ARHGEF38: variants seen among roughly 807,000 people sequenced by gnomAD.
ARHGEF38 encodes the protein Rho guanine nucleotide exchange factor (GEF) 38.
ARHGEF38 carries 79 observed loss-of-function variants against 79.9 expected under a neutral mutation model. The ratio of observed to expected loss-of-function variants is 0.99; its 90% CI spans 0.82 to 1.19. ARHGEF38 has a LOEUF of 1.19. Ranked by LOEUF, ARHGEF38 falls within the 50% of genes most tolerant of loss-of-function variation. ARHGEF38 has a pLI of 0.00. For missense variants in ARHGEF38, 962 were observed against 907.2 expected, an observed-to-expected ratio of 1.06 and a Z score of -0.78; for synonymous variants, 366 against 328.3, an observed-to-expected ratio of 1.11 and a Z score of -1.24.
Position 105,552,700 on chromosome 4 carries a change from C to G in ARHGEF38, c.-66C>G, listed in dbSNP as rs1397526775. On this transcript the variant is annotated 5_prime_UTR_variant, in exon 1 of 14. Coordinates refer to ENST00000420470, the MANE Select transcript of ARHGEF38 (RefSeq NM_001242729.2). ...ACTCGTCACTCTAGTAGCTTTAACC[C>G]TCACCCTGAGGCACCTTAGCAATCA... 2.2e-6 allele frequency: 3 copies of G among 1,378,134 alleles called. No homozygotes were observed. The highest frequency in any genetic ancestry group is 3.0e-6 in the Non-Finnish European group (3 of 1,004,076). The allele number at this position is 1,378,134 out of a possible 1,614,324, so 85.4% of individuals were successfully genotyped here. A position where few individuals can be genotyped will look rare whatever the true frequency, so the allele number is the denominator to read the frequency against.
At chr4:105,677,681 G>A in intron 13 of ARHGEF38, 71 bp from the exon 14 acceptor site, 1 of 1,304,148 alleles carries the variant, frequency 7.7e-7, no homozygotes, top group Non-Finnish European at 9.9e-7. Context: ...CTAAAAGCTT[G>A]GAAACTTTTA....
chr4:105,653,862 C>G (rs1730212093), intron 7 of ARHGEF38, among the ~76,000 whole-genome samples: 1 of 152,170 alleles, frequency 6.6e-6, no homozygotes, highest in African/African-American at 2.4e-5. Context: ...AGTTATAGGA[C>G]TTGGCTTTAC....
intron 9 of ARHGEF38, among the ~76,000 whole-genome samples, chr4:105,657,833 A>G (rs1384026818): frequency 6.6e-6 from 1 of 152,202 alleles, no homozygotes; most frequent in African/African-American, 2.4e-5. Flanking sequence ...ATGAGTTCAG[A>G]CCAACTTACC....
chr4:105,604,763 A>G (rs1727970064), intron 2 of ARHGEF38, among the ~76,000 whole-genome samples: 1 of 152,142 alleles, frequency 6.6e-6, no homozygotes, highest in African/African-American at 2.4e-5. Context: ...ACATTCACAC[A>G]CACCCTCACA....
At chr4:105,670,266 G>C (rs1184071888) in intron 13 of ARHGEF38, among the ~76,000 whole-genome samples, 1 of 152,120 alleles carries the variant, frequency 6.6e-6, no homozygotes, top group Non-Finnish European at 1.5e-5. Context: ...TGAGGTTTAT[G>C]GGTTGCAGTT....
At chr4:105,564,066 A>G (rs1384161763) in intron 1 of ARHGEF38, among the ~76,000 whole-genome samples, 2 of 152,156 alleles carry the variant, frequency 1.3e-5, no homozygotes, top group Non-Finnish European at 2.9e-5. Context: ...ATGTCAAACT[A>G]CATGGCTCCT....
At chr4:105,560,392 C>T (rs1268000282) in intron 1 of ARHGEF38, among the ~76,000 whole-genome samples, 1 of 152,094 alleles carries the variant, frequency 6.6e-6, no homozygotes, top group Non-Finnish European at 1.5e-5. Flanking sequence ...ATTTGCATCT[C>T]AATAAAACTT....
At chr4:105,677,643 G>A (rs572777952) in intron 13 of ARHGEF38, 109 bp from the exon 14 acceptor site, 628 of 1,051,098 alleles carry the variant, frequency 6.0e-4, no homozygotes, top group Admixed American at 1.2e-3. Flanking sequence ...TGTGACTTTG[G>A]CAAAACAAAA....
chr4:105,613,325 G>A, intron 2 of ARHGEF38, 59 bp from the exon 3 acceptor site: 4 of 1,554,672 alleles, frequency 2.6e-6, no homozygotes, highest in Middle Eastern at 1.7e-4. Flanking sequence ...CTGTTTAGGA[G>A]GAGAAAACAT....
chr4:105,595,901 A>G (rs528989763), intron 2 of ARHGEF38, among the ~76,000 whole-genome samples: 8 of 152,262 alleles, frequency 5.3e-5, no homozygotes, highest in Admixed American at 1.3e-4. Context: ...TAGACATGGA[A>G]CTCAAGGATT....
chr4:105,610,237 A>G (rs1464743033), intron 2 of ARHGEF38, among the ~76,000 whole-genome samples: 1 of 151,950 alleles, frequency 6.6e-6, no homozygotes, highest in African/African-American at 2.4e-5. Context: ...GGGAACTTAG[A>G]GGATGGGTTA....
intron 1 of ARHGEF38, 68 bp from the exon 2 acceptor site, chr4:105,589,180 G>A (rs112973922): frequency 4.2e-5 from 56 of 1,333,538 alleles, no homozygotes; most frequent in South Asian, 2.4e-4. Context: ...CTTCGAAGGC[G>A]TTGTTTGTAA....
chr4:105,607,224 C>A (rs1728085714), intron 2 of ARHGEF38, among the ~76,000 whole-genome samples: 1 of 152,194 alleles, frequency 6.6e-6, no homozygotes, highest in Non-Finnish European at 1.5e-5. Flanking sequence ...AAACTAAGCA[C>A]CCCAGTGTGC....
chr4:105,669,272 CTCTACACAGTA>C (rs1271580323), intron 13 of ARHGEF38, among the ~76,000 whole-genome samples: 1 of 147,716 alleles, frequency 6.8e-6, no homozygotes, highest in Non-Finnish European at 1.5e-5. Context: ...CCTTAAAAAG[CTCTACACAGTA>C]TTTAATTTTA....
intron 2 of ARHGEF38, among the ~76,000 whole-genome samples, chr4:105,602,817 T>A (rs1445406452): frequency 1.3e-5 from 2 of 152,082 alleles, no homozygotes; most frequent in Admixed American, 6.6e-5. Context: ...ACAAAGGTAG[T>A]TGTTCAAAAA....
chr4:105,576,477 G>T (rs1474055540), intron 1 of ARHGEF38, among the ~76,000 whole-genome samples: 3 of 146,552 alleles, frequency 2.0e-5, no homozygotes, highest in African/African-American at 7.6e-5. Context: ...CTTGCTCATT[G>T]TTGGTATATA....
chr4:105,567,860 C>T (rs1345732693), intron 1 of ARHGEF38, among the ~76,000 whole-genome samples: 1 of 151,560 alleles, frequency 6.6e-6, no homozygotes, highest in Non-Finnish European at 1.5e-5. Context: ...ATACATGTGC[C>T]ACGCTGGTGC....
At position 105,680,489 on chromosome 4, in the gene ARHGEF38, A is replaced by G. The variant is rs1400003108; in HGVS notation, c.*2552A>G. Reference sequence around the variant, plus strand: ...AACATCTGCACATAACAAACTAAATAAAATGATCATAAAATAATAAATGCT... The same window carrying G: ...AACATCTGCACATAACAAACTAAATGAAATGATCATAAAATAATAAATGCT... On this transcript the variant is annotated 3_prime_UTR_variant, in exon 14 of 14. Coordinates refer to ENST00000420470, the MANE Select transcript of ARHGEF38 (RefSeq NM_001242729.2). 2.0e-5 allele frequency: 3 copies of G among 153,588 alleles called. No homozygotes were observed. Among genetic ancestry groups the G allele is most frequent in the Non-Finnish European group, 4.3e-5 (3 of 69,022 alleles). The allele number at this position is 153,588 out of a possible 1,614,324, so 9.5% of individuals were successfully genotyped here.
intron 10 of ARHGEF38, among the ~76,000 whole-genome samples, chr4:105,664,430 C>A (rs1730676989): frequency 6.6e-6 from 1 of 152,092 alleles, no homozygotes; most frequent in African/African-American, 2.4e-5. Flanking sequence ...ATTATTAATA[C>A]ACTTTAGGTA....
Sources: allele counts gnomAD v4.1 joint callset (sites outside exome capture counted in the v4.1 genomes callset), GRCh38; gene constraint gnomAD v4.1.1; transcripts MANE v1.5; gene names NCBI Gene and HGNC (gene_info 2026-07-23, HGNC 2026-07-21).